Variants in ASB2 observed in about 807,000 individuals in gnomAD.
ASB2 encodes ankyrin repeat and SOCS box protein 2.
In ASB2, 58 loss-of-function variants were observed where a neutral mutation model predicts 62.4. The observed-to-expected ratio is 0.93, with a 90% CI of 0.75 to 1.16. The LOEUF (loss-of-function observed/expected upper bound fraction) is 1.16, where lower values mean the gene tolerates loss of function less well. ASB2 is among the 50% of genes most tolerant of loss of function. ASB2 has a pLI of 0.00. For synonymous variants in ASB2, 386 were observed against 385.3 expected, an observed-to-expected ratio of 1.00 and a Z score of -0.02; for missense variants, 928 against 887.9, an observed-to-expected ratio of 1.05 and a Z score of -0.57.
At chr14:93,959,418 C>T (rs184557264) in intron 2 of ASB2, among the ~76,000 whole-genome samples, 9 of 152,276 alleles carry the variant, frequency 5.9e-5, no homozygotes, top group Admixed American at 5.2e-4. Context: ...GTTACTGAGT[C>T]GTGAGTCTCA....
chr14:93,967,757 T>A (rs1384115811), intron 1 of ASB2, among the ~76,000 whole-genome samples: 4 of 152,042 alleles, frequency 2.6e-5, no homozygotes, highest in Non-Finnish European at 4.4e-5. Flanking sequence ...CCTATGGCCG[T>A]GTCGACAAAA....
intron 2 of ASB2, among the ~76,000 whole-genome samples, chr14:93,959,381 G>A (rs1300770735): frequency 6.6e-6 from 1 of 152,190 alleles, no homozygotes. Context: ...CTTTGGGGCT[G>A]GCAACTGGGC....
chr14:93,959,394 G>A (rs28615947), intron 2 of ASB2, among the ~76,000 whole-genome samples: 1,983 of 152,272 alleles, frequency 0.013, 38 homozygotes, highest in African/African-American at 0.045. Flanking sequence ...AACTGGGCAA[G>A]GCGACCGCTC....
In ASB2 at chr14:93,951,138, A is replaced by C; in HGVS notation, c.741T>G (p.Ser247=). 6.2e-7 allele frequency: 1 copy of C among 1,614,210 alleles called. No homozygotes were observed. The highest frequency in any genetic ancestry group is 2.2e-5 in the East Asian group (1 of 44,888). ...TCTGCATGACCTCCAGGTCATTGCG[A>C]GACACAGACTCGTGCAGAGCGGTCC... is the stretch of plus-strand genomic sequence containing the variant. ...RGWTALHESV[S]RNDLEVMQIL... is the part of the protein sequence containing the mutation. Residue 247 remains serine, a synonymous_variant, in exon 6 of 10, where the codon TCT becomes TCG. Coordinates refer to ENST00000555019, the MANE Select transcript of ASB2 (RefSeq NM_001202429.2).
chr14:93,962,824 C>T (rs900603801), intron 2 of ASB2, among the ~76,000 whole-genome samples: 1 of 152,366 alleles, frequency 6.6e-6, no homozygotes, highest in Admixed American at 6.5e-5. Context: ...ATCTGACCCC[C>T]TCCTGAGGAA....
intron 2 of ASB2, among the ~76,000 whole-genome samples, chr14:93,958,134 C>T (rs1031289711): frequency 7.2e-5 from 11 of 152,192 alleles, no homozygotes; most frequent in Admixed American, 6.5e-4. Context: ...TGCCTGCAGG[C>T]CTGGCTGCCT....
chr14:93,975,687 C>A (rs1324010769), intron 1 of ASB2, among the ~76,000 whole-genome samples: 2 of 152,208 alleles, frequency 1.3e-5, no homozygotes, highest in Non-Finnish European at 2.9e-5. Flanking sequence ...TTTGCCAGAG[C>A]CACATTTCAC....
intron 5 of ASB2, among the ~76,000 whole-genome samples, chr14:93,952,738 A>G (rs1355111596): frequency 1.3e-5 from 2 of 152,206 alleles, no homozygotes; most frequent in Non-Finnish European, 2.9e-5. Flanking sequence ...TCATGTGCAG[A>G]TGGACATGAG....
chr14:93,947,121 G>T lies in ASB2; in HGVS notation c.1052+228C>A, dbSNP rs184079464. ...AAGTACTGGTAAGCGCTGCATAAGG[G>T]TTTGCTGTTATTATTTCAGTTGCTG... On this transcript the variant is annotated intron_variant, in intron 7 of 9. Coordinates refer to ENST00000555019, the MANE Select transcript of ASB2 (RefSeq NM_001202429.2). Among the ~76,000 whole-genome samples the T allele has an allele frequency of 5.9e-5, 9 of 152,352 alleles. No homozygotes were observed. The East Asian group carries it at 1.7e-3, about 29-fold the overall frequency.
intron 3 of ASB2, among the ~76,000 whole-genome samples, chr14:93,956,061 T>G (rs887872208): frequency 2.6e-5 from 4 of 152,186 alleles, no homozygotes; most frequent in Non-Finnish European, 2.9e-5. Context: ...TCCTCCCTTC[T>G]CTACAACGTA....
intron 9 of ASB2, among the ~76,000 whole-genome samples, chr14:93,935,727 C>T (rs1041087982): frequency 2.6e-5 from 4 of 152,144 alleles, no homozygotes; most frequent in Admixed American, 1.3e-4. Context: ...GCGGCTGCAG[C>T]GTTGCCTAGC....
chr14:93,936,197 T>A (rs1219103009), intron 9 of ASB2, among the ~76,000 whole-genome samples: 1 of 152,242 alleles, frequency 6.6e-6, no homozygotes, highest in Non-Finnish European at 1.5e-5. Flanking sequence ...AATAAGGATG[T>A]CAATGTTGTA....
At chr14:93,956,203 C>T (rs1005991381) in intron 3 of ASB2, among the ~76,000 whole-genome samples, 4 of 152,136 alleles carry the variant, frequency 2.6e-5, no homozygotes, top group African/African-American at 4.8e-5. Context: ...TTAGCCCTGC[C>T]CCCTGGTGCC....
In ASB2 at chr14:93,934,622, C is replaced by A; in HGVS notation, c.*34G>T. 1.2e-6 allele frequency: 2 copies of A among 1,611,574 alleles called. No individual in the cohort carries two copies. Among genetic ancestry groups the A allele is most frequent in the African/African-American group, 2.7e-5 (2 of 74,986 alleles). Reference sequence around the variant, plus strand: ...CGTCCTGAGACTTAGTAAGAAGAGTCTGAGGGGCTACTCCTCTCTCCCCGT... The same window carrying A: ...CGTCCTGAGACTTAGTAAGAAGAGTATGAGGGGCTACTCCTCTCTCCCCGT... On this transcript the variant is annotated 3_prime_UTR_variant, in exon 10 of 10. Transcript: ENST00000555019.
chr14:93,964,661 G>T, intron 1 of ASB2, 49 bp from the exon 2 acceptor site: 2 of 842,762 alleles, frequency 2.4e-6, no homozygotes, highest in Non-Finnish European at 3.8e-6. Flanking sequence ...TTGCAGGATA[G>T]CTATATTTAC....
intron 9 of ASB2, among the ~76,000 whole-genome samples, chr14:93,935,952 G>T (rs1165145570): frequency 3.3e-5 from 5 of 152,196 alleles, no homozygotes; most frequent in Admixed American, 6.5e-5. Context: ...GTACACAGAA[G>T]GTCTTGAATA....
At chr14:93,970,176 C>A (rs911457059) in intron 1 of ASB2, among the ~76,000 whole-genome samples, 2 of 152,188 alleles carry the variant, frequency 1.3e-5, no homozygotes, top group Non-Finnish European at 2.9e-5. Context: ...TGGTCACTCT[C>A]CAGATGTCTT....
intron 6 of ASB2, 67 bp from the exon 7 acceptor site, chr14:93,947,587 C>T (rs1888780075): frequency 3.2e-6 from 5 of 1,549,744 alleles, no homozygotes; most frequent in Admixed American, 3.4e-5. Flanking sequence ...AATGTAACGC[C>T]ACCGCGTGGT....
intron 7 of ASB2, 48 bp from the exon 8 acceptor site, chr14:93,939,720 G>A: frequency 1.5e-6 from 2 of 1,336,896 alleles, no homozygotes; most frequent in Non-Finnish European, 1.9e-6. Flanking sequence ...TCGGGGTGTG[G>A]ACGGGTAGGG....
Sources: gnomAD v4.1 joint callset for allele counts (sites outside exome capture counted in the v4.1 genomes callset) on GRCh38, gnomAD v4.1.1 for gene constraint, MANE v1.5 for transcripts, NCBI Gene and HGNC (gene_info 2026-07-23, HGNC 2026-07-21) for gene names.